The following NKIRAS1 variants were observed in gnomAD, a reference collection of about 807,000 sequenced individuals.
NKIRAS1 encodes the protein NFKB inhibitor interacting Ras like 1.
NKIRAS1 carries 16 observed loss-of-function variants against 19.8 expected under a neutral mutation model. The ratio of observed to expected loss-of-function variants is 0.81; its 90% CI spans 0.55 to 1.23. The LOEUF is 1.23. Ranked by LOEUF, NKIRAS1 falls within the 50% of genes most tolerant of loss-of-function variation. The pLI is 0.00. For synonymous variants in NKIRAS1, 88 were observed against 79.0 expected, an observed-to-expected ratio of 1.11 and a Z score of -0.61; for missense variants, 184 against 220.0, an observed-to-expected ratio of 0.84 and a Z score of 1.04.
intron 1 of NKIRAS1, chr3:23,945,302 G>GC (rs1705616023): frequency 6.4e-6 from 1 of 156,286 alleles, no homozygotes; most frequent in Non-Finnish European, 1.4e-5. Context: ...CGCCCTCGCC[G>GC]CCGCGGTGCG....
intron 4 of NKIRAS1, among the ~76,000 whole-genome samples, chr3:23,900,164 AAAAAAC>A (rs1266850685): frequency 4.5e-4 from 69 of 152,208 alleles, no homozygotes; most frequent in Admixed American, 4.4e-3. Flanking sequence ...TCAGTCTCAA[AAAAAAC>A]AAAAACAAAA....
At chr3:23,928,056 G>GT (rs1705238565) in intron 1 of NKIRAS1, among the ~76,000 whole-genome samples, 1 of 151,014 alleles carries the variant, frequency 6.6e-6, no homozygotes, top group South Asian at 2.1e-4. Flanking sequence ...TCCAGCCTAG[G>GT]TAACAAAACA....
intron 1 of NKIRAS1, among the ~76,000 whole-genome samples, chr3:23,925,181 C>A (rs1464027572): frequency 6.6e-6 from 1 of 152,146 alleles, no homozygotes; most frequent in South Asian, 2.1e-4. Flanking sequence ...ATACACTAAT[C>A]CATTTCGTTT....
At chr3:23,943,261 T>G (rs1173073974) in intron 1 of NKIRAS1, among the ~76,000 whole-genome samples, 1 of 152,194 alleles carries the variant, frequency 6.6e-6, no homozygotes, top group Non-Finnish European at 1.5e-5. Context: ...AGACAGAGTT[T>G]TGCTCTTTTT....
intron 1 of NKIRAS1, chr3:23,945,729 G>C (rs1038280032): frequency 3.4e-6 from 2 of 596,668 alleles, no homozygotes; most frequent in African/African-American, 4.0e-5. Flanking sequence ...CCGCGTGTCC[G>C]CCTCTGGCTC....
At chr3:23,936,935 T>G (rs547744546) in intron 1 of NKIRAS1, among the ~76,000 whole-genome samples, 1 of 152,312 alleles carries the variant, frequency 6.6e-6, no homozygotes, top group East Asian at 1.9e-4. Context: ...ATTATTGGTC[T>G]AGGTGACTTT....
chr3:23,904,751 A>G (rs1702854963), intron 3 of NKIRAS1, among the ~76,000 whole-genome samples: 1 of 152,200 alleles, frequency 6.6e-6, no homozygotes, highest in Non-Finnish European at 1.5e-5. Context: ...AGAAGCTGAT[A>G]AAGTTAAAGA....
chr3:23,916,344 T>C (rs1704424578), intron 1 of NKIRAS1: 1 of 152,198 alleles, frequency 6.6e-6, no homozygotes, highest in African/African-American at 2.4e-5. Context: ...TGCCAGCATT[T>C]TCTCGGCATT....
Position 23,945,571 on chromosome 3 carries a change from A to G in NKIRAS1, c.-140+752T>C, listed in dbSNP as rs1344469544. The G allele has an allele frequency of 2.6e-6, 3 of 1,156,258 alleles. No individual in the cohort carries two copies. The African/African-American group carries it at 5.0e-5, about 19-fold the overall frequency. 71.6% of individuals were successfully genotyped at this position (1,156,258 alleles called of 1,614,324 possible). ...GCGGGCGGCCCCGGCCGCCTCCGCG[A>G]GGGCACCATGGAGGTGAATGCAGGT... is the stretch of plus-strand genomic sequence containing the variant. On this transcript the variant is annotated intron_variant, in intron 1 of 4. Coordinates refer to the NKIRAS1 transcript ENST00000421515.
chr3:23,912,487 T>C (rs925678884), intron 1 of NKIRAS1, among the ~76,000 whole-genome samples: 4 of 152,042 alleles, frequency 2.6e-5, no homozygotes, highest in African/African-American at 9.7e-5. Context: ...AAAACCACAA[T>C]GAGATACCAT....
At chr3:23,903,862 T>C (rs1043367275) in intron 3 of NKIRAS1, among the ~76,000 whole-genome samples, 1 of 152,036 alleles carries the variant, frequency 6.6e-6, no homozygotes, top group Non-Finnish European at 1.5e-5. Flanking sequence ...AAGTGTCCAA[T>C]ACAGTAAATG....
chr3:23,915,739 A>T (rs1216965623), intron 1 of NKIRAS1, among the ~76,000 whole-genome samples: 1 of 152,168 alleles, frequency 6.6e-6, no homozygotes, highest in African/African-American at 2.4e-5. Flanking sequence ...TGCATGCTCC[A>T]GTCATGGCTC....
intron 1 of NKIRAS1, chr3:23,945,522 G>GCGA: frequency 9.1e-7 from 1 of 1,096,888 alleles, no homozygotes. Flanking sequence ...GGCGGCGGCG[G>GCGA]CGGCGCTGCC....
intron 1 of NKIRAS1, among the ~76,000 whole-genome samples, chr3:23,935,305 A>C (rs1424186079): frequency 6.6e-6 from 1 of 152,056 alleles, no homozygotes; most frequent in African/African-American, 2.4e-5. Flanking sequence ...GGGAAAATCT[A>C]CCAAATTTGA....
rs775564615 is a variant in NKIRAS1, at chr3:23,890,743, A to G, written c.*2352T>C. 1 of 754,918 alleles carries G rather than the reference A, an allele frequency of 1.3e-6. No individual in the cohort carries two copies. Among genetic ancestry groups the G allele is most frequent in the Non-Finnish European group, 1.9e-6 (1 of 514,138 alleles). 46.8% of individuals were successfully genotyped at this position (754,918 alleles called of 1,614,324 possible). A position where few individuals can be genotyped will look rare whatever the true frequency, so the allele number is the denominator to read the frequency against. Reference sequence around the variant, plus strand: ...CAGATATTATTCAGTCTTATTTCCTAAGATTTTGTTGTAACTTAAGGTATC... The same window carrying G: ...CAGATATTATTCAGTCTTATTTCCTGAGATTTTGTTGTAACTTAAGGTATC... On this transcript the variant is annotated 3_prime_UTR_variant, in exon 5 of 5. Transcript: ENST00000425478.
rs373201625 is a variant in NKIRAS1 at position 23,928,729 on chromosome 3, C to A, written c.-139-17279G>T. Among the ~76,000 whole-genome samples the A allele has an allele frequency of 4.1e-5, 6 of 147,170 alleles. 1 individual carries two copies. The highest frequency in any genetic ancestry group is 6.8e-5 in the Admixed American group (1 of 14,702). The stretch of plus-strand genomic sequence containing the variant: ...AAAAAAGGCCGGGCGCTGTGACTCA[C>A]ACCTGTAATCCTAGCACTTTGGGAG... On this transcript the variant is annotated intron_variant, in intron 1 of 4. Coordinates refer to the NKIRAS1 transcript ENST00000421515.
upstream of NKIRAS1, chr3:23,918,003 G>A (rs1358216325): frequency 5.6e-6 from 9 of 1,610,416 alleles, no homozygotes; most frequent in Non-Finnish European, 6.8e-6. Flanking sequence ...CTGATAAAGC[G>A]CGCCGACTGG....
chr3:23,910,156 CTTTT>C (rs34240932), intron 3 of NKIRAS1, among the ~76,000 whole-genome samples: 4 of 96,552 alleles, frequency 4.1e-5, no homozygotes, highest in Admixed American at 1.2e-4. Flanking sequence ...TGCGCTCGGC[CTTTT>C]TTTTTTTTTT....
upstream of NKIRAS1, chr3:23,919,563 C>T (rs1704955313): frequency 2.1e-6 from 3 of 1,445,032 alleles, no homozygotes; most frequent in East Asian, 2.5e-5. Context: ...TGTCTGCTTA[C>T]AGGTGTTATT....
Sources: gnomAD v4.1 joint callset for allele counts (sites outside exome capture counted in the v4.1 genomes callset) on GRCh38, gnomAD v4.1.1 for gene constraint, MANE v1.5 for transcripts, NCBI Gene and HGNC (gene_info 2026-07-23, HGNC 2026-07-21) for gene names.